TMEM178B: variants seen among roughly 807,000 people sequenced by gnomAD.
The protein encoded by TMEM178B is transmembrane protein 178B.
Under a neutral mutation model 31.0 loss-of-function variants are expected in TMEM178B, and 5 were observed. That is an observed-to-expected ratio of 0.16 (90% CI 0.08 to 0.34). The LOEUF (loss-of-function observed/expected upper bound fraction) is 0.34, where lower values mean the gene tolerates loss of function less well. TMEM178B is among the 10% of genes least tolerant of loss of function. The probability of loss-of-function intolerance (pLI) is 1.00; values close to 1 mark genes in which losing one functional copy is unlikely to be tolerated. For missense variants in TMEM178B, 275 were observed against 400.3 expected (o/e 0.69, Z 2.67); for synonymous variants, 164 against 164.0 (o/e 1.00, Z 0.00).
the TMEM178B span, among the ~76,000 whole-genome samples, chr7:141,509,327 C>G: frequency 7.9e-5 from 12 of 151,890 alleles, no homozygotes; most frequent in Admixed American, 5.9e-4. Context: ...TTCAGAAGAA[C>G]AAGTGAACAA....
At chr7:141,112,703 C>G (rs763107825) in intron 1 of TMEM178B, among the ~76,000 whole-genome samples, 4 of 152,176 alleles carry the variant, frequency 2.6e-5, no homozygotes, top group Non-Finnish European at 4.4e-5. Flanking sequence ...TCTAGGAAAT[C>G]TAAGAGGGTA....
At chr7:141,463,618 A>T (rs924687541) in intron 3 of TMEM178B, among the ~76,000 whole-genome samples, 2 of 152,294 alleles carry the variant, frequency 1.3e-5, no homozygotes, top group East Asian at 3.9e-4. Flanking sequence ...ACTGGGGGAG[A>T]TGCTACTTCC....
intron 1 of TMEM178B, among the ~76,000 whole-genome samples, chr7:141,118,582 G>A (rs547481741): frequency 2.0e-5 from 3 of 152,304 alleles, no homozygotes; most frequent in East Asian, 1.9e-4. Flanking sequence ...GTGACCCCAG[G>A]GGGGAAGCTC....
intron 1 of TMEM178B, among the ~76,000 whole-genome samples, chr7:141,128,060 T>C (rs546671221): frequency 4.6e-5 from 7 of 152,268 alleles, no homozygotes; most frequent in African/African-American, 1.7e-4. Flanking sequence ...ATAAGGTGAT[T>C]GCATAAATTA....
intron 3 of TMEM178B, among the ~76,000 whole-genome samples, chr7:141,440,218 A>G (rs779606923): frequency 3.3e-5 from 5 of 152,218 alleles, no homozygotes; most frequent in Non-Finnish European, 5.9e-5. Context: ...AGACCTCTGA[A>G]TGCCCCTGGG....
At chr7:141,095,328 C>T (rs1192568875) in intron 1 of TMEM178B, among the ~76,000 whole-genome samples, 1 of 152,140 alleles carries the variant, frequency 6.6e-6, no homozygotes, top group Non-Finnish European at 1.5e-5. Flanking sequence ...CCATTTAGTT[C>T]CACCTGTAAT....
At chr7:141,377,882 C>T (rs1275740539) in intron 2 of TMEM178B, among the ~76,000 whole-genome samples, 1 of 152,084 alleles carries the variant, frequency 6.6e-6, no homozygotes, top group African/African-American at 2.4e-5. Context: ...ACTCCATTTC[C>T]CTTACTGTTA....
intron 2 of TMEM178B, among the ~76,000 whole-genome samples, chr7:141,258,885 GATTTTC>G (rs758496940): frequency 7.2e-5 from 11 of 152,248 alleles, no homozygotes; most frequent in Admixed American, 3.3e-4. Context: ...ATGCTTTTAA[GATTTTC>G]CCTTTATCTT....
At chr7:141,310,670 T>C (rs773393469) in intron 2 of TMEM178B, among the ~76,000 whole-genome samples, 3 of 152,142 alleles carry the variant, frequency 2.0e-5, no homozygotes, top group Non-Finnish European at 4.4e-5. Context: ...CTGGCGAGGC[T>C]GTGGACAAAT....
intron 2 of TMEM178B, among the ~76,000 whole-genome samples, chr7:141,282,968 T>C (rs976514134): frequency 1.1e-4 from 17 of 152,212 alleles, no homozygotes; most frequent in African/African-American, 4.1e-4. Context: ...GTTTGCAAAC[T>C]ATCTCATCTA....
chr7:141,248,587 G>A (rs1277484104), intron 2 of TMEM178B, among the ~76,000 whole-genome samples: 1 of 152,176 alleles, frequency 6.6e-6, no homozygotes, highest in African/African-American at 2.4e-5. Flanking sequence ...CTACAAACCT[G>A]TACAGCATGT....
chr7:141,388,899 A>AG (rs1264080007), intron 2 of TMEM178B, among the ~76,000 whole-genome samples: 100 of 152,298 alleles, frequency 6.6e-4, no homozygotes, highest in African/African-American at 1.9e-3. Context: ...AGGAAGGTGC[A>AG]ATGTTACCAC....
At chr7:141,222,964 A>C (rs1312272894) in intron 2 of TMEM178B, among the ~76,000 whole-genome samples, 2 of 152,232 alleles carry the variant, frequency 1.3e-5, no homozygotes, top group Non-Finnish European at 2.9e-5. Flanking sequence ...AGACACAAAC[A>C]GTCTCTAAAA....
At chr7:141,185,048 G>A (rs561552364) in intron 1 of TMEM178B, among the ~76,000 whole-genome samples, 1 of 152,250 alleles carries the variant, frequency 6.6e-6, no homozygotes, top group East Asian at 1.9e-4. Flanking sequence ...ATGTGCGATG[G>A]TGGTGTGGCT....
At chr7:141,350,662 A>G (rs1246374108) in intron 2 of TMEM178B, among the ~76,000 whole-genome samples, 2 of 152,204 alleles carry the variant, frequency 1.3e-5, no homozygotes, top group Non-Finnish European at 2.9e-5. Context: ...AGAAAATGTA[A>G]TATATGTTTA....
At chr7:141,181,484 T>C (rs917646549) in intron 1 of TMEM178B, among the ~76,000 whole-genome samples, 1 of 152,194 alleles carries the variant, frequency 6.6e-6, no homozygotes, top group Non-Finnish European at 1.5e-5. Flanking sequence ...GCTGACTGTC[T>C]CATAAAGGGC....
chr7:141,278,527 G>A (rs1031322028), intron 2 of TMEM178B, among the ~76,000 whole-genome samples: 1 of 111,182 alleles, frequency 9.0e-6, no homozygotes, highest in Non-Finnish European at 1.7e-5. Context: ...AGGTTGTAGC[G>A]AGCCAAGATT....
chr7:141,109,099 G>C (rs888404756), intron 1 of TMEM178B, among the ~76,000 whole-genome samples: 1 of 152,116 alleles, frequency 6.6e-6, no homozygotes, highest in African/African-American at 2.4e-5. Context: ...ATCTCCAACT[G>C]GGTCCCTCCC....
At chr7:141,138,652 A>C (rs1309182377) in intron 1 of TMEM178B, among the ~76,000 whole-genome samples, 1 of 152,044 alleles carries the variant, frequency 6.6e-6, no homozygotes. Context: ...TTCAAAATTC[A>C]GTCAAGCTGT....
Sources: allele counts gnomAD v4.1 joint callset (sites outside exome capture counted in the v4.1 genomes callset), GRCh38; gene constraint gnomAD v4.1.1; transcripts MANE v1.5; gene names NCBI Gene and HGNC (gene_info 2026-07-23, HGNC 2026-07-21).